NKAIN3: variants seen among roughly 807,000 people sequenced by gnomAD.
NKAIN3 encodes sodium/potassium transporting ATPase interacting 3, also known as sodium/potassium-transporting ATPase subunit beta-1-interacting protein 3.
NKAIN3 carries 25 observed loss-of-function variants against 30.2 expected under a neutral mutation model. The ratio of observed to expected loss-of-function variants is 0.83; its 90% confidence interval spans 0.60 to 1.16. The LOEUF (loss-of-function observed/expected upper bound fraction) is 1.16, where lower values mean the gene tolerates loss of function less well. Ranked by LOEUF, NKAIN3 falls within the 50% of genes most tolerant of loss-of-function variation. NKAIN3 has a pLI of 0.00. For synonymous variants in NKAIN3, 91 were observed against 89.6 expected, an observed-to-expected ratio of 1.02 and a Z score of -0.09; for missense variants, 225 against 254.1, an observed-to-expected ratio of 0.89 and a Z score of 0.78.
intron 1 of NKAIN3, among the ~76,000 whole-genome samples, chr8:62,502,318 A>AC (rs1807480088): frequency 6.6e-6 from 1 of 151,986 alleles, no homozygotes; most frequent in African/African-American, 2.4e-5. Context: ...ACTACTCCTT[A>AC]CCACTCAACT....
chr8:62,852,583 G>A (rs1397689926), intron 4 of NKAIN3, among the ~76,000 whole-genome samples: 3 of 151,722 alleles, frequency 2.0e-5, no homozygotes, highest in Non-Finnish European at 4.4e-5. Context: ...TTTCTCTTGT[G>A]GGCATTCAGT....
intron 1 of NKAIN3, among the ~76,000 whole-genome samples, chr8:62,428,046 C>A (rs1804867825): frequency 6.6e-6 from 1 of 151,960 alleles, no homozygotes; most frequent in Admixed American, 6.6e-5. Context: ...TAACTATCTC[C>A]AGGAGATTAT....
At chr8:62,647,745 G>A (rs1265307498) in intron 3 of NKAIN3, among the ~76,000 whole-genome samples, 1 of 152,188 alleles carries the variant, frequency 6.6e-6, no homozygotes, top group Non-Finnish European at 1.5e-5. Flanking sequence ...CTCGATTGCC[G>A]AAAGGCAAGA....
chr8:62,770,343 G>A (rs1186102918), intron 4 of NKAIN3, among the ~76,000 whole-genome samples: 4 of 152,322 alleles, frequency 2.6e-5, no homozygotes, highest in South Asian at 2.1e-4. Context: ...CTTTAGGTGT[G>A]TCTTAGTCAG....
intron 3 of NKAIN3, among the ~76,000 whole-genome samples, chr8:62,625,422 GT>G (rs952010584): frequency 5.9e-5 from 9 of 151,952 alleles, no homozygotes; most frequent in African/African-American, 2.2e-4. Flanking sequence ...TCCCACTCAG[GT>G]TTTTTTGACT....
chr8:62,673,791 A>G (rs117625233), intron 3 of NKAIN3, among the ~76,000 whole-genome samples: 1 of 152,332 alleles, frequency 6.6e-6, no homozygotes, highest in Non-Finnish European at 1.5e-5. Flanking sequence ...ATCTAAACAT[A>G]TTCAAACAGG....
At chr8:62,803,995 A>G (rs1371406458) in intron 4 of NKAIN3, among the ~76,000 whole-genome samples, 1 of 152,214 alleles carries the variant, frequency 6.6e-6, no homozygotes, top group Non-Finnish European at 1.5e-5. Flanking sequence ...CCTCTACACA[A>G]ATAAACTAGA....
chr8:62,493,379 C>G (rs1360574325), intron 1 of NKAIN3, among the ~76,000 whole-genome samples: 1 of 152,078 alleles, frequency 6.6e-6, no homozygotes, highest in Non-Finnish European at 1.5e-5. Context: ...CTCCACTTGT[C>G]TATGTGTCTG....
intron 1 of NKAIN3, among the ~76,000 whole-genome samples, chr8:62,497,475 T>C (rs758504980): frequency 2.8e-4 from 43 of 152,000 alleles, no homozygotes; most frequent in Middle Eastern, 3.4e-3. Flanking sequence ...TTAGAGGCGT[T>C]TATAGCATTG....
At chr8:62,713,264 G>A (rs1394713687) in intron 3 of NKAIN3, among the ~76,000 whole-genome samples, 1 of 152,172 alleles carries the variant, frequency 6.6e-6, no homozygotes, top group Non-Finnish European at 1.5e-5. Context: ...GACTCTCATA[G>A]CATATGACAA....
chr8:62,877,825 G>A (rs1586301457), intron 4 of NKAIN3, among the ~76,000 whole-genome samples: 1 of 152,238 alleles, frequency 6.6e-6, no homozygotes, highest in East Asian at 1.9e-4. Context: ...CAGATCACCT[G>A]AGGTTCGGAG....
At chr8:62,357,376 C>T (rs555173702) in intron 1 of NKAIN3, among the ~76,000 whole-genome samples, 24 of 146,750 alleles carry the variant, frequency 1.6e-4, no homozygotes, top group Middle Eastern at 4.1e-3. Context: ...ATGGTGCCAG[C>T]GCACTCCAGC....
In NKAIN3 at chr8:62,548,239, T is replaced by G. The variant is rs546898290; in HGVS notation, c.55-31300T>G. Reference sequence around the variant, plus strand: ...CAACTTCAACTAGCTAGAGTTGAACTTTAATAAATGAACTGAAAATATATT... The same window carrying G: ...CAACTTCAACTAGCTAGAGTTGAACGTTAATAAATGAACTGAAAATATATT... On this transcript the variant is annotated intron_variant, in intron 1 of 6. Coordinates refer to ENST00000623646, the MANE Select transcript of NKAIN3 (RefSeq NM_001304533.3). Among the ~76,000 whole-genome samples the G allele has an allele frequency of 8.2e-4, 125 of 152,334 alleles. 1 individual carries two copies. Among genetic ancestry groups the G allele is most frequent in the Middle Eastern group, 3.4e-3 (1 of 294 alleles).
intron 3 of NKAIN3, among the ~76,000 whole-genome samples, chr8:62,643,174 C>T (rs1475671019): frequency 3.9e-5 from 6 of 152,010 alleles, no homozygotes; most frequent in African/African-American, 7.2e-5. Context: ...TTTAAATGCA[C>T]AGTTGTATTT....
chr8:62,667,315 T>TTA lies in NKAIN3; in HGVS notation c.273+77533_273+77534dup, dbSNP rs777514293. 4.2e-3 allele frequency among the ~76,000 whole-genome samples: 565 copies of TTA among 134,136 alleles called. 1 individual carries two copies. Among genetic ancestry groups the TTA allele is most frequent in the South Asian group, 8.6e-3 (38 of 4,414 alleles). 88.0% of individuals were successfully genotyped at this position (134,136 alleles called of 152,430 possible). The stretch of plus-strand genomic sequence containing the variant: ...AGTATAATAAAAAATATATATATAT[T>TTA]TATATATATATATTCTTTATATATA... On this transcript the variant is annotated intron_variant, in intron 3 of 6. Transcript: ENST00000623646.
intron 1 of NKAIN3, among the ~76,000 whole-genome samples, chr8:62,250,772 T>C (rs1812076661): frequency 6.6e-6 from 1 of 152,234 alleles, no homozygotes; most frequent in African/African-American, 2.4e-5. Context: ...CTTTCCACTT[T>C]CTTAGTTGAT....
intron 1 of NKAIN3, among the ~76,000 whole-genome samples, chr8:62,512,205 T>A (rs1807834918): frequency 6.6e-6 from 1 of 152,164 alleles, no homozygotes; most frequent in Non-Finnish European, 1.5e-5. Context: ...TATTGATAAA[T>A]GATTGATTTA....
intron 6 of NKAIN3, among the ~76,000 whole-genome samples, chr8:62,964,186 G>A (rs1563647822): frequency 6.6e-6 from 1 of 152,168 alleles, no homozygotes; most frequent in Non-Finnish European, 1.5e-5. Flanking sequence ...AAGCAAAATG[G>A]CTGAGGGAGA....
chr8:62,258,665 GA>G (rs1689730853), intron 1 of NKAIN3, among the ~76,000 whole-genome samples: 1 of 145,542 alleles, frequency 6.9e-6, no homozygotes, highest in East Asian at 2.0e-4. Flanking sequence ...GTCTAAAAAA[GA>G]AAAAAAGAAA....
Sources: allele counts gnomAD v4.1 joint callset (sites outside exome capture counted in the v4.1 genomes callset), GRCh38; gene constraint gnomAD v4.1.1; transcripts MANE v1.5; gene names NCBI Gene and HGNC (gene_info 2026-07-23, HGNC 2026-07-21).